Variants in CACNA1I observed in about 807,000 individuals in gnomAD.
CACNA1I encodes the protein voltage-dependent T-type calcium channel subunit alpha-1I.
CACNA1I carries 74 observed loss-of-function variants against 201.6 expected under a neutral mutation model. That is an observed-to-expected ratio of 0.37 (90% confidence interval 0.30 to 0.45). The LOEUF (loss-of-function observed/expected upper bound fraction) is 0.45, where lower values mean the gene tolerates loss of function less well. CACNA1I is among the 20% of genes least tolerant of loss of function. The pLI is 1.00. For missense variants in CACNA1I, 2,346 were observed against 3,138.1 expected, an observed-to-expected ratio of 0.75 and a Z score of 6.03; for synonymous variants, 1,431 against 1,345.2, an observed-to-expected ratio of 1.06 and a Z score of -1.40.
At chr22:39,603,328 GTAA>G (rs1313347067) in intron 3 of CACNA1I, among the ~76,000 whole-genome samples, 1 of 152,020 alleles carries the variant, frequency 6.6e-6, no homozygotes, top group Non-Finnish European at 1.5e-5. Flanking sequence ...GATTTTGCTT[GTAA>G]TATGAGAGAA....
intron 33 of CACNA1I, among the ~76,000 whole-genome samples, chr22:39,680,430 G>T (rs536402513): frequency 6.6e-6 from 1 of 152,286 alleles, no homozygotes; most frequent in South Asian, 2.1e-4. Context: ...TCAGGTGGCT[G>T]CAGGGCAGGT....
In CACNA1I at chr22:39,672,973, T is replaced by C; in HGVS notation, c.4674T>C (p.Ile1558=). 1 of 1,613,704 alleles carries C rather than the reference T, an allele frequency of 6.2e-7. No individual in the cohort carries two copies. Among genetic ancestry groups the C allele is most frequent in the Non-Finnish European group, 8.5e-7 (1 of 1,179,744 alleles). ...GATGGAACCAGCTGGACCTGGCCAT[T>C]GTGCTACTGTCAGTCATGGGCATCA... is the stretch of plus-strand genomic sequence containing the variant. ...KDRWNQLDLA[I]VLLSVMGITL... is the part of the protein sequence containing the mutation. Residue 1558 remains isoleucine (I), a synonymous_variant, in exon 28 of 37, where the codon ATT becomes ATC. Coordinates refer to ENST00000402142, the MANE Select transcript of CACNA1I (RefSeq NM_021096.4).
intron 1 of CACNA1I, among the ~76,000 whole-genome samples, chr22:39,592,046 G>A (rs947181831): frequency 2.6e-5 from 4 of 152,238 alleles, no homozygotes; most frequent in Admixed American, 6.5e-5. Flanking sequence ...TTTGAGAGGT[G>A]TGGTGCGGGG....
At chr22:39,615,089 C>T (rs973200817) in intron 3 of CACNA1I, among the ~76,000 whole-genome samples, 1 of 152,210 alleles carries the variant, frequency 6.6e-6, no homozygotes, top group Admixed American at 6.5e-5. Context: ...CCTTCCTTAC[C>T]TTCTCTTTTT....
At chr22:39,619,199 A>T in intron 3 of CACNA1I, 111 bp from the exon 4 acceptor site, 1 of 802,930 alleles carries the variant, frequency 1.2e-6, no homozygotes, top group Non-Finnish European at 2.1e-6. Context: ...TGCTGTCTTT[A>T]CTTGCCCTGT....
Position 39,598,255 on chromosome 22 carries a change from T to C in CACNA1I, c.341T>C (p.Ile114Thr), listed in dbSNP as rs981392100. 2 of 1,586,744 alleles carry C rather than the reference T, an allele frequency of 1.3e-6. No individual in the cohort carries two copies. The highest frequency in any genetic ancestry group is 1.7e-5 in the Admixed American group (1 of 58,020). The change falls in exon 2 of 37, where the codon ATC becomes ACC. Residue 114 changes from isoleucine (I) to threonine (T), a missense_variant. Ile to Thr is a moderately conservative substitution (Grantham distance 89). Transcript: ENST00000402142. ...DMDCLSDRCK[I>T]LQVFDDFIFI... ...GACTGCCTGTCCGACCGCTGCAAGATCCTGCAGGTGAGCCGGCCGCCCCGC... is the reference window on the plus strand; with the variant it reads ...GACTGCCTGTCCGACCGCTGCAAGACCCTGCAGGTGAGCCGGCCGCCCCGC...
intron 16 of CACNA1I, among the ~76,000 whole-genome samples, chr22:39,661,674 C>T (rs914160148): frequency 2.0e-5 from 3 of 152,244 alleles, no homozygotes; most frequent in South Asian, 2.1e-4. Flanking sequence ...GCCTCAGTTT[C>T]CTTACCTGCA....
At chr22:39,613,056 T>C (rs549048357) in intron 3 of CACNA1I, among the ~76,000 whole-genome samples, 1 of 152,360 alleles carries the variant, frequency 6.6e-6, no homozygotes, top group South Asian at 2.1e-4. Context: ...GGGCCCCTTG[T>C]GAAGATTGAG....
At position 39,659,787 on chromosome 22, in the gene CACNA1I, A is replaced by G; in HGVS notation, c.2539A>G (p.Thr847Ala). 1 of 1,613,758 alleles carries G rather than the reference A, an allele frequency of 6.2e-7. No individual in the cohort carries two copies. Among genetic ancestry groups the G allele is most frequent in the Non-Finnish European group, 8.5e-7 (1 of 1,179,834 alleles). ...WASLYFVALM[T>A]FGNYVLFNLL... ...CTCCCTCTACTTTGTCGCCCTCATG[A>G]CCTTCGGCAACTATGTGCTCTTCAA... The change falls in exon 14 of 37, where the codon ACC becomes GCC. Residue 847 changes from threonine to alanine, a missense_variant. Physicochemically the swap from Thr to Ala is moderately conservative, Grantham distance 58 (BLOSUM62 0). Transcript: ENST00000402142. The surrounding 1 kb of genome is among the most constrained non-coding windows in gnomAD (Gnocchi z 4.3).
intron 6 of CACNA1I, 110 bp from the exon 7 acceptor site, chr22:39,642,664 CTGTGAGACAGACTCGAGGCAGCA>C: frequency 1.5e-6 from 1 of 654,188 alleles, no homozygotes; most frequent in Non-Finnish European, 2.7e-6. Flanking sequence ...TGTCCAGCCC[CTGTGAGACAGACTCGAGGCAGCA>C]TGTGTGATGC....
chr22:39,604,225 T>C (rs1467091587), intron 3 of CACNA1I, among the ~76,000 whole-genome samples: 1 of 152,204 alleles, frequency 6.6e-6, no homozygotes, highest in African/African-American at 2.4e-5. Flanking sequence ...TGCTTAGCGA[T>C]TCTTTCCTGT....
intron 4 of CACNA1I, among the ~76,000 whole-genome samples, chr22:39,621,614 T>C (rs1299805137): frequency 1.3e-5 from 2 of 152,158 alleles, no homozygotes; most frequent in Non-Finnish European, 2.9e-5. Context: ...GGGACTGGCT[T>C]GGCTTGGGTA....
At position 39,685,229 on chromosome 22, in the gene CACNA1I, C is replaced by A. The variant is rs567481454; in HGVS notation, c.6028-532C>A. 1 of 153,910 alleles carries A rather than the reference C, an allele frequency of 6.5e-6. No homozygotes were observed. Among genetic ancestry groups the A allele is most frequent in the Non-Finnish European group, 1.4e-5 (1 of 69,976 alleles). 9.5% of individuals were successfully genotyped at this position (153,910 alleles called of 1,614,324 possible). On this transcript the variant is annotated intron_variant, in intron 36 of 36. Coordinates refer to ENST00000402142, the MANE Select transcript of CACNA1I (RefSeq NM_021096.4). This position sits in a 1 kb window ranked among gnomAD's most constrained non-coding sequence, Gnocchi z 5.0. Reference sequence around the variant, plus strand: ...AAAATAAATGTCTGCAGAGTAAAGTCTACTCCATGGTGGACAGGCAGGGAG... The same window carrying A: ...AAAATAAATGTCTGCAGAGTAAAGTATACTCCATGGTGGACAGGCAGGGAG...
chr22:39,653,947 C>G (rs189489886), intron 10 of CACNA1I, among the ~76,000 whole-genome samples: 5 of 152,196 alleles, frequency 3.3e-5, no homozygotes, highest in Admixed American at 6.5e-5. Flanking sequence ...GAAATTCCCA[C>G]CCCCTGGGTA....
chr22:39,618,250 CCTGTG>C (rs1569064362), intron 3 of CACNA1I, among the ~76,000 whole-genome samples: 9 of 94,856 alleles, frequency 9.5e-5, no homozygotes, highest in African/African-American at 1.3e-4. Flanking sequence ...TGGTTGTGTG[CCTGTG>C]TGTGTGTGTG....
At chr22:39,598,289 G>A in intron 2 of CACNA1I, 27 bp downstream of exon 2, 2 of 903,118 alleles carry the variant, frequency 2.2e-6, no homozygotes, top group South Asian at 3.5e-5. Context: ...GCCCCGCCCC[G>A]CCCTGCCCTC....
At chr22:39,669,539 G>GGATGGATGGGTGGATGGATC in intron 24 of CACNA1I, among the ~76,000 whole-genome samples, 2 of 151,876 alleles carry the variant, frequency 1.3e-5, no homozygotes, top group Non-Finnish European at 1.5e-5. Context: ...GTGGATGGAT[G>GGATGGATGGGTGGATGGATC]AATGGATGGG....
chr22:39,682,413 G>C (rs965794030), intron 34 of CACNA1I, 83 bp from the exon 35 acceptor site: 2 of 1,164,098 alleles, frequency 1.7e-6, no homozygotes, highest in African/African-American at 3.1e-5. Context: ...TTAAGCAAGG[G>C]GCCGTGGAGC....
At chr22:39,586,155 C>T (rs1412474346) in intron 1 of CACNA1I, among the ~76,000 whole-genome samples, 4 of 151,084 alleles carry the variant, frequency 2.6e-5, no homozygotes, top group Admixed American at 6.6e-5. Context: ...TCTAGTCTGG[C>T]GACAGAGCAA....
Sources: allele counts gnomAD v4.1 joint callset (sites outside exome capture counted in the v4.1 genomes callset), GRCh38; gene constraint gnomAD v4.1.1; non-coding constraint Gnocchi (gnomAD v3.1); transcripts MANE v1.5; gene names NCBI Gene and HGNC (gene_info 2026-07-23, HGNC 2026-07-21).